CCSER1: variants seen among roughly 807,000 people sequenced by gnomAD.
The protein encoded by CCSER1 is serine-rich coiled-coil domain-containing protein 1.
Under a neutral mutation model 82.0 loss-of-function variants are expected in CCSER1, and 41 were observed. The ratio of observed to expected loss-of-function variants is 0.50; its 90% CI spans 0.39 to 0.65. The LOEUF is 0.65. CCSER1 is among the 30% of genes least tolerant of loss of function. The probability of loss-of-function intolerance (pLI) is 0.00; values close to 1 mark genes in which losing one functional copy is unlikely to be tolerated. For missense variants in CCSER1, 1,119 were observed against 1,064.2 expected, an observed-to-expected ratio of 1.05 and a Z score of -0.72; for synonymous variants, 414 against 383.9, an observed-to-expected ratio of 1.08 and a Z score of -0.92.
intron 10 of CCSER1, among the ~76,000 whole-genome samples, chr4:91,273,371 T>TA (rs1742189815): frequency 6.6e-6 from 1 of 152,130 alleles, no homozygotes; most frequent in Non-Finnish European, 1.5e-5. Flanking sequence ...TCAGCTATTG[T>TA]AAAAGGGGTT....
At chr4:90,378,324 C>T (rs1051667655) in intron 3 of CCSER1, among the ~76,000 whole-genome samples, 2 of 152,246 alleles carry the variant, frequency 1.3e-5, no homozygotes, top group Middle Eastern at 3.4e-3. Flanking sequence ...TTTATGTTAA[C>T]AACAAATGTG....
At chr4:90,792,819 A>G (rs1755452696) in intron 7 of CCSER1, among the ~76,000 whole-genome samples, 1 of 152,142 alleles carries the variant, frequency 6.6e-6, no homozygotes. Flanking sequence ...ACTAATTTAG[A>G]TACTTCCAAG....
chr4:90,926,447 G>A (rs1729073151), intron 9 of CCSER1, among the ~76,000 whole-genome samples: 2 of 151,494 alleles, frequency 1.3e-5, no homozygotes, highest in South Asian at 2.1e-4. Flanking sequence ...AATTTCCTTG[G>A]GAAAATAGCT....
intron 10 of CCSER1, among the ~76,000 whole-genome samples, chr4:91,594,400 CACATATATACACATATATAT>C (rs907479000): frequency 2.2e-5 from 3 of 133,930 alleles, no homozygotes; most frequent in African/African-American, 8.2e-5. Context: ...TACATATATA[CACATATATACACATATATAT>C]ACATATATAC....
chr4:90,932,982 G>GAAAGAAAGAAAGAAAGAAAGAGAA lies in CCSER1; in HGVS notation c.2172+9536_2172+9537insAAGAAAGAAAGAAAGAAAGAGAAA. Among the ~76,000 whole-genome samples, 2 of 18,868 alleles carry GAAAGAAAGAAAGAAAGAAAGAGAA rather than the reference G, an allele frequency of 1.1e-4. 1 individual carries two copies. The highest frequency in any genetic ancestry group is 1.9e-4 in the Non-Finnish European group (2 of 10,688). 12.4% of individuals were successfully genotyped at this position (18,868 alleles called of 152,430 possible). A position where few individuals can be genotyped will look rare whatever the true frequency, so the allele number is the denominator to read the frequency against. ...AGAAAGAAAGAAAGAAAGAAAGAAA[G>GAAAGAAAGAAAGAAAGAAAGAGAA]AGAAAGAAAGAAAGAAAGAAAGAAA... On this transcript the variant is annotated intron_variant, in intron 9 of 10. Coordinates refer to ENST00000509176, the MANE Select transcript of CCSER1 (RefSeq NM_001145065.2).
intron 10 of CCSER1, among the ~76,000 whole-genome samples, chr4:91,348,705 A>C (rs1010832247): frequency 6.6e-6 from 1 of 152,116 alleles, no homozygotes; most frequent in Admixed American, 6.5e-5. Flanking sequence ...GAATTGCTCC[A>C]TTTCATCCAG....
chr4:90,397,275 A>G (rs1250447766), intron 3 of CCSER1, among the ~76,000 whole-genome samples: 2 of 152,198 alleles, frequency 1.3e-5, no homozygotes, highest in African/African-American at 4.8e-5. Context: ...AATGAGAACA[A>G]TGTCGTGAAT....
intron 5 of CCSER1, among the ~76,000 whole-genome samples, chr4:90,627,040 C>T (rs1229602043): frequency 6.6e-6 from 1 of 152,118 alleles, no homozygotes; most frequent in Non-Finnish European, 1.5e-5. Context: ...GTGGTTAGCA[C>T]AGTACTTGGC....
rs187809340 is a variant in CCSER1, at chr4:91,438,334, C to T, written c.2218-160238C>T. 1.5e-3 allele frequency among the ~76,000 whole-genome samples: 230 copies of T among 152,294 alleles called. 1 individual carries two copies. Among genetic ancestry groups the T allele is most frequent in the African/African-American group, 4.9e-3 (205 of 41,568 alleles). On this transcript the variant is annotated intron_variant, in intron 10 of 10. Coordinates refer to ENST00000509176, the MANE Select transcript of CCSER1 (RefSeq NM_001145065.2). ...AGCATTCGCGGTTCATGAAAATCTG[C>T]GGTTCTGCAGCCACCACTGCTGTCA...
At chr4:91,442,680 C>A in intron 10 of CCSER1, among the ~76,000 whole-genome samples, 3 of 133,880 alleles carry the variant, frequency 2.2e-5, no homozygotes, top group African/African-American at 8.4e-5. Context: ...TCAGAGTGAA[C>A]AGGCAACCTA....
At position 90,723,901 on chromosome 4, in the gene CCSER1, A is replaced by G; in HGVS notation, c.1933-13A>G. The G allele has an allele frequency of 7.1e-7, 1 of 1,414,882 alleles. No homozygotes were observed. Among genetic ancestry groups the G allele is most frequent in the East Asian group, 2.5e-5 (1 of 39,268 alleles). The allele number at this position is 1,414,882 out of a possible 1,614,324, so 87.6% of individuals were successfully genotyped here. A position where few individuals can be genotyped will look rare whatever the true frequency, so the allele number is the denominator to read the frequency against. Reference sequence around the variant, plus strand: ...AACAATCCTAATTAAATTCAATTTCACTGTCCTTGCAGAGTGCAGACATGA... The same window carrying G: ...AACAATCCTAATTAAATTCAATTTCGCTGTCCTTGCAGAGTGCAGACATGA... On this transcript the variant is annotated splice_polypyrimidine_tract_variant and intron_variant, in intron 6 of 10. Transcript: ENST00000509176.
At chr4:90,682,186 A>G (rs1475962082) in intron 6 of CCSER1, among the ~76,000 whole-genome samples, 2 of 152,002 alleles carry the variant, frequency 1.3e-5, no homozygotes, top group Non-Finnish European at 2.9e-5. Flanking sequence ...ATGAGTTTAC[A>G]AACAAATCCA....
intron 10 of CCSER1, among the ~76,000 whole-genome samples, chr4:91,194,702 G>A (rs1047019163): frequency 1.6e-4 from 25 of 151,888 alleles, no homozygotes; most frequent in African/African-American, 5.8e-4. Context: ...ACAAATGCAC[G>A]CAGAAAGAGA....
At chr4:90,742,026 T>G (rs750682276) in intron 7 of CCSER1, among the ~76,000 whole-genome samples, 49 of 152,064 alleles carry the variant, frequency 3.2e-4, no homozygotes, top group Non-Finnish European at 5.3e-4. Flanking sequence ...TCAGGAAACT[T>G]AAAATCATGG....
intron 5 of CCSER1, among the ~76,000 whole-genome samples, chr4:90,480,866 T>G (rs1765836636): frequency 6.6e-6 from 1 of 152,202 alleles, no homozygotes; most frequent in Non-Finnish European, 1.5e-5. Flanking sequence ...TGCGGGCTCT[T>G]TTTTGGTTCC....
At chr4:90,421,580 G>A (rs1042759896) in intron 4 of CCSER1, among the ~76,000 whole-genome samples, 4 of 152,192 alleles carry the variant, frequency 2.6e-5, no homozygotes, top group Non-Finnish European at 1.5e-5. Context: ...TTTACTGAGA[G>A]TATGAATGTG....
At chr4:90,338,921 C>T (rs17016807) in intron 3 of CCSER1, among the ~76,000 whole-genome samples, 43,041 of 151,878 alleles carry the variant, frequency 0.28, 6,498 homozygotes, top group African/African-American at 0.38. Flanking sequence ...AATTTGTAGA[C>T]GATACATTCT....
At chr4:91,255,816 T>C (rs1340616844) in intron 10 of CCSER1, among the ~76,000 whole-genome samples, 1 of 152,244 alleles carries the variant, frequency 6.6e-6, no homozygotes, top group African/African-American at 2.4e-5. Flanking sequence ...GTCTTTACTT[T>C]AATCTCTTAA....
intron 6 of CCSER1, among the ~76,000 whole-genome samples, chr4:90,631,133 T>A (rs113335359): frequency 0.028 from 4,194 of 152,162 alleles, 184 homozygotes; most frequent in African/African-American, 0.097. Flanking sequence ...GACCTCGTGA[T>A]CCGCCCGCCT....
Sources: allele counts gnomAD v4.1 joint callset (sites outside exome capture counted in the v4.1 genomes callset), GRCh38; gene constraint gnomAD v4.1.1; transcripts MANE v1.5; gene names NCBI Gene and HGNC (gene_info 2026-07-23, HGNC 2026-07-21).